Variants in ALK observed in about 807,000 individuals in gnomAD.
ALK encodes ALK tyrosine kinase receptor.
ALK carries 74 observed loss-of-function variants against 163.1 expected under a neutral mutation model. The observed-to-expected ratio is 0.45, with a 90% CI of 0.38 to 0.55. The LOEUF is 0.55. ALK is among the 20% of genes least tolerant of loss of function. ALK has a pLI of 0.00. For missense variants in ALK, 2,063 were observed against 2,105.3 expected, an observed-to-expected ratio of 0.98 and a Z score of 0.39; for synonymous variants, 960 against 843.2, an observed-to-expected ratio of 1.14 and a Z score of -2.40.
chr2:29,602,299 A>G (rs1675401271), intron 3 of ALK, among the ~76,000 whole-genome samples: 1 of 151,242 alleles, frequency 6.6e-6, no homozygotes, highest in African/African-American at 2.5e-5. Context: ...ACAGGCTTGG[A>G]GAAGAGATTC....
Position 29,838,461 on chromosome 2 carries a change from G to T in ALK, c.667+81532C>A, listed in dbSNP as rs147743200. ...AAAAACTAATGATAGAAAGATAAAA[G>T]ATTTGTATAAAAATGTTTATAGCAA... On this transcript the variant is annotated intron_variant, in intron 1 of 28. Coordinates refer to ENST00000389048, the MANE Select transcript of ALK (RefSeq NM_004304.5). Among the ~76,000 whole-genome samples the T allele has an allele frequency of 4.8e-3, 727 of 152,052 alleles. 11 individuals are homozygous for T. Among genetic ancestry groups the T allele is most frequent in the African/African-American group, 0.017 (686 of 41,482 alleles).
intron 1 of ALK, among the ~76,000 whole-genome samples, chr2:29,915,856 G>C (rs891696488): frequency 6.6e-6 from 1 of 152,096 alleles, no homozygotes; most frequent in African/African-American, 2.4e-5. Flanking sequence ...TATACAGATC[G>C]CACCCCAGAG....
At chr2:29,416,209 G>A (rs1669873437) in intron 4 of ALK, among the ~76,000 whole-genome samples, 1 of 152,218 alleles carries the variant, frequency 6.6e-6, no homozygotes, top group South Asian at 2.1e-4. Flanking sequence ...AAGGCTACAT[G>A]TCAGGAGTGG....
chr2:29,294,281 T>A (rs780203105), intron 9 of ALK, among the ~76,000 whole-genome samples: 10 of 152,220 alleles, frequency 6.6e-5, no homozygotes, highest in Non-Finnish European at 1.5e-4. Context: ...AAGAGAATGC[T>A]TTTTGCTCCT....
In ALK at chr2:29,829,234, A is replaced by G. The variant is rs571136518; in HGVS notation, c.667+90759T>C. On this transcript the variant is annotated intron_variant, in intron 1 of 28. Coordinates refer to ENST00000389048, the MANE Select transcript of ALK (RefSeq NM_004304.5). ...AATGTTAAATGACAAGTTAATGGGT[A>G]CAGCACACCATGGTACATGTATACA... Among the ~76,000 whole-genome samples, 88 of 151,780 alleles carry G rather than the reference A, an allele frequency of 5.8e-4. 1 individual carries two copies. Among genetic ancestry groups the G allele is most frequent in the African/African-American group, 2.0e-3 (83 of 41,384 alleles).
rs1237918296 is a variant in ALK at position 29,876,001 on chromosome 2, C to T, written c.667+43992G>A. Reference sequence around the variant, plus strand: ...TCTGGTTTCCCTGGCCCTCCCCACCCTTGTCTGTTTTTCTCTGCTTCATCC... The same window carrying T: ...TCTGGTTTCCCTGGCCCTCCCCACCTTTGTCTGTTTTTCTCTGCTTCATCC... On this transcript the variant is annotated intron_variant, in intron 1 of 28. Transcript: ENST00000389048. Among the ~76,000 whole-genome samples, 3 of 152,178 alleles carry T rather than the reference C, an allele frequency of 2.0e-5. No individual in the cohort carries two copies. In the South Asian group the frequency reaches 6.2e-4, roughly 32 times the overall value.
At chr2:29,198,607 T>C (rs989086757) in intron 26 of ALK, among the ~76,000 whole-genome samples, 6 of 152,258 alleles carry the variant, frequency 3.9e-5, no homozygotes, top group African/African-American at 1.4e-4. Flanking sequence ...GTGCATATTA[T>C]TTGGTTTCCA....
chr2:29,205,538 C>G (rs1353066206), intron 26 of ALK, among the ~76,000 whole-genome samples: 2 of 152,210 alleles, frequency 1.3e-5, no homozygotes, highest in African/African-American at 4.8e-5. Context: ...ATCAAGGCAT[C>G]AGCAGGGCTG....
At chr2:29,427,870 C>T (rs12618159) in intron 4 of ALK, among the ~76,000 whole-genome samples, 61,731 of 151,812 alleles carry the variant, frequency 0.41, 13,656 homozygotes, top group East Asian at 0.64. Context: ...ATAGACCATA[C>T]GCTAGGTCAC....
At chr2:29,859,532 G>A (rs7597423) in intron 1 of ALK, among the ~76,000 whole-genome samples, 117,029 of 152,108 alleles carry the variant, frequency 0.77, 45,334 homozygotes, top group Non-Finnish European at 0.82. Context: ...GGGAGGCAAT[G>A]AGAAGTATAG....
At chr2:29,725,172 A>AAAAAAAG (rs1230240144) in intron 1 of ALK, among the ~76,000 whole-genome samples, 2 of 151,436 alleles carry the variant, frequency 1.3e-5, no homozygotes, top group Non-Finnish European at 2.9e-5. Flanking sequence ...AAAAAAAAAA[A>AAAAAAAG]AGGAATCACA....
intron 3 of ALK, among the ~76,000 whole-genome samples, chr2:29,683,045 A>T (rs946031234): frequency 7.2e-5 from 11 of 152,188 alleles, no homozygotes; most frequent in Non-Finnish European, 1.6e-4. Flanking sequence ...AATACTCAAC[A>T]TATGTACTTA....
intron 11 of ALK, among the ~76,000 whole-genome samples, chr2:29,268,009 T>G (rs1573177294): frequency 6.6e-6 from 1 of 152,330 alleles, no homozygotes; most frequent in South Asian, 2.1e-4. Flanking sequence ...TATGCAAGCT[T>G]TCACTGAAAC....
chr2:29,537,612 C>A (rs1027590694), intron 3 of ALK, among the ~76,000 whole-genome samples: 5 of 152,206 alleles, frequency 3.3e-5, no homozygotes, highest in African/African-American at 1.2e-4. Flanking sequence ...GGGGTTGGAG[C>A]CTCTACACAG....
intron 3 of ALK, among the ~76,000 whole-genome samples, chr2:29,589,926 C>T (rs975289125): frequency 9.2e-5 from 14 of 152,200 alleles, no homozygotes; most frequent in Admixed American, 3.3e-4. Flanking sequence ...CCCTCTAGCA[C>T]GCTTGTCAAA....
intron 4 of ALK, among the ~76,000 whole-genome samples, chr2:29,504,360 T>C (rs1018278279): frequency 6.6e-6 from 1 of 152,078 alleles, no homozygotes; most frequent in African/African-American, 2.4e-5. Context: ...GCAAAGGTTT[T>C]ATAGTGAGGT....
intron 1 of ALK, among the ~76,000 whole-genome samples, chr2:29,833,404 A>G (rs931396358): frequency 2.4e-4 from 37 of 152,362 alleles, no homozygotes; most frequent in African/African-American, 7.9e-4. Context: ...TTTCAGGTCC[A>G]TCTTTGGACA....
At chr2:29,508,760 A>AAAAAC (rs1672422415) in intron 4 of ALK, among the ~76,000 whole-genome samples, 1 of 79,432 alleles carries the variant, frequency 1.3e-5, no homozygotes, top group Non-Finnish European at 3.0e-5. Context: ...AAAAAAAAAG[A>AAAAAC]AATCCAGACT....
At chr2:29,909,480 C>CAGAGAGAGAGAGAGAGAG (rs369360033) in intron 1 of ALK, among the ~76,000 whole-genome samples, 77 of 135,970 alleles carry the variant, frequency 5.7e-4, no homozygotes, top group East Asian at 2.9e-3. Context: ...GACAGACAGA[C>CAGAGAGAGAGAGAGAGAG]AGAGAGAGAG....
Sources: gnomAD v4.1 joint callset for allele counts (sites outside exome capture counted in the v4.1 genomes callset) on GRCh38, gnomAD v4.1.1 for gene constraint, MANE v1.5 for transcripts, NCBI Gene and HGNC (gene_info 2026-07-23, HGNC 2026-07-21) for gene names.